Variants in ORC1 observed in about 807,000 individuals in gnomAD.
The protein encoded by ORC1 is origin recognition complex, subunit 1 homolog.
In ORC1, 61 loss-of-function variants were observed where a neutral mutation model predicts 98.9. The observed-to-expected ratio is 0.62, with a 90% CI of 0.50 to 0.76. ORC1 has a LOEUF of 0.76. Ranked by LOEUF, ORC1 falls within the 30% of genes least tolerant of loss-of-function variation. The pLI is 0.00. For missense variants in ORC1, 979 were observed against 1,072.2 expected, an observed-to-expected ratio of 0.91 and a Z score of 1.21; for synonymous variants, 385 against 406.9, an observed-to-expected ratio of 0.95 and a Z score of 0.65.
At chr1:52,406,436 GAC>G (rs1647999786), upstream of ORC1, among the ~76,000 whole-genome samples, 1 of 152,190 alleles carries the variant, frequency 6.6e-6, no homozygotes, top group Non-Finnish European at 1.5e-5. Flanking sequence ...GTAGGCACTG[GAC>G]GCTCAGGGGT....
In ORC1 at chr1:52,393,618, AAG is replaced by A; in HGVS notation, c.905_906del (p.Ser302LeufsTer3). ...GAAGCCTTCTTGTCATCCTCAGTAT[AAG>A]AGAGTCCAGTCTCTCTGGTTTTCTC... ...APEKTRETGL[S>X]YTEDDKKASP... On this transcript the variant is annotated frameshift_variant, in exon 6 of 17. Coordinates refer to ENST00000371568, the MANE Select transcript of ORC1 (RefSeq NM_004153.4). LOFTEE classifies it high-confidence loss of function. 1 of 1,614,098 alleles carries A rather than the reference AAG, an allele frequency of 6.2e-7. No homozygotes were observed. The highest frequency in any genetic ancestry group is 8.5e-7 in the Non-Finnish European group (1 of 1,179,984).
At chr1:52,398,716 G>A (rs1647546318) in intron 3 of ORC1, among the ~76,000 whole-genome samples, 1 of 151,990 alleles carries the variant, frequency 6.6e-6, no homozygotes, top group African/African-American at 2.4e-5. Flanking sequence ...CAATTAGCTG[G>A]GATTACAGGC....
At chr1:52,402,796 T>C (rs936881770) in intron 1 of ORC1, among the ~76,000 whole-genome samples, 16 of 152,086 alleles carry the variant, frequency 1.1e-4, no homozygotes, top group African/African-American at 3.9e-4. Context: ...CAGGTGGGCA[T>C]GGTGGCAGGC....
intron 1 of ORC1, among the ~76,000 whole-genome samples, chr1:52,403,616 G>A (rs941174623): frequency 1.3e-5 from 2 of 152,154 alleles, no homozygotes; most frequent in African/African-American, 4.8e-5. Flanking sequence ...AATAGATCAG[G>A]ATAAGAATGC....
In ORC1 at chr1:52,399,623, CAA is replaced by C. The variant is rs1198516466; in HGVS notation, c.223+1737_223+1738del. Among the ~76,000 whole-genome samples, 384 of 64,102 alleles carry C rather than the reference CAA, an allele frequency of 6.0e-3. 7 individuals carry two copies. The East Asian group carries it at 0.075, about 12-fold the overall frequency. The allele number at this position is 64,102 out of a possible 152,430, so 42.1% of individuals were successfully genotyped here. On this transcript the variant is annotated intron_variant, in intron 3 of 16. Coordinates refer to ENST00000371568, the MANE Select transcript of ORC1 (RefSeq NM_004153.4). ...TGGGCGACACAGCGAGACTCTGTCTCAAAAAAAAAAAAAAAAAAAAGAAAGAA... is the reference window on the plus strand; with the variant it reads ...TGGGCGACACAGCGAGACTCTGTCTCAAAAAAAAAAAAAAAAAAGAAAGAA...
At chr1:52,407,373 TA>T (rs1213762387), upstream of ORC1, among the ~76,000 whole-genome samples, 3 of 152,210 alleles carry the variant, frequency 2.0e-5, no homozygotes, top group African/African-American at 4.8e-5. Context: ...GTTAGGCACT[TA>T]CTGTGTGCTC....
At chr1:52,376,732 G>C (rs951762165) in intron 14 of ORC1, among the ~76,000 whole-genome samples, 4 of 152,188 alleles carry the variant, frequency 2.6e-5, no homozygotes, top group South Asian at 2.1e-4. Context: ...GGGGAACTCT[G>C]GGGGGTAAGG....
chr1:52,400,053 G>C (rs541141634), intron 3 of ORC1, among the ~76,000 whole-genome samples: 1 of 152,306 alleles, frequency 6.6e-6, no homozygotes, highest in South Asian at 2.1e-4. Flanking sequence ...GAGGATTCTA[G>C]AATCTATACA....
chr1:52,400,706 G>A (rs1043657464), intron 3 of ORC1, among the ~76,000 whole-genome samples: 10 of 152,170 alleles, frequency 6.6e-5, no homozygotes, highest in African/African-American at 2.4e-4. Context: ...TTTGCAGAGG[G>A]TTAGAAGGTC....
At chr1:52,406,238 C>T (rs548576180), upstream of ORC1, among the ~76,000 whole-genome samples, 22 of 152,188 alleles carry the variant, frequency 1.4e-4, no homozygotes, top group South Asian at 4.4e-3. Context: ...ATCCCCTCCC[C>T]CCCCGGGCCT....
rs374681845 is a variant in ORC1, at chr1:52,400,271, G to C, written c.223+1091C>G. On this transcript the variant is annotated intron_variant, in intron 3 of 16. Coordinates refer to ENST00000371568, the MANE Select transcript of ORC1 (RefSeq NM_004153.4). ...CTGCCACTAACCCTGTATATGCTAT[G>C]ATTTTTCCTACACACACATACTGTA... Among the ~76,000 whole-genome samples the C allele has an allele frequency of 5.6e-4, 85 of 152,290 alleles. No individual in the cohort carries two copies. In the Middle Eastern group the frequency reaches 0.01, roughly 18 times the overall value.
At chr1:52,390,351 C>A (rs781205129) in intron 6 of ORC1, among the ~76,000 whole-genome samples, 3 of 152,100 alleles carry the variant, frequency 2.0e-5, no homozygotes, top group Non-Finnish European at 2.9e-5. Context: ...AAAATAGGCA[C>A]GTAGACCAAT....
rs1647203506 is a variant in ORC1, at chr1:52,391,078, A to G, written c.1083-1757T>C. Among the ~76,000 whole-genome samples, 5 of 151,948 alleles carry G rather than the reference A, an allele frequency of 3.3e-5. No individual in the cohort carries two copies. In the South Asian group the frequency reaches 1.0e-3, roughly 32 times the overall value. On this transcript the variant is annotated intron_variant, in intron 6 of 16. Coordinates refer to ENST00000371568, the MANE Select transcript of ORC1 (RefSeq NM_004153.4). ...GTAATCCCAGTACTTTGGGAGGCTG[A>G]GGCAGGTGGATCACAAGGTCAGGAG...
intron 3 of ORC1, 68 bp from the exon 4 acceptor site, chr1:52,397,931 T>C (rs1184193071): frequency 5.1e-6 from 7 of 1,384,806 alleles, no homozygotes; most frequent in African/African-American, 4.3e-5. Flanking sequence ...GCAATTCCTA[T>C]GTGCCAGACA....
At chr1:52,408,885 G>C, upstream of ORC1, 2 of 531,650 alleles carry the variant, frequency 3.8e-6, no homozygotes, top group South Asian at 5.4e-5. Context: ...GCCTTACCCA[G>C]CCTGCCTCTG....
At position 52,383,464 on chromosome 1, in the gene ORC1, C is replaced by A. The variant is rs1236674010; in HGVS notation, c.1969G>T (p.Asp657Tyr). Residue 657 changes from aspartate to tyrosine, a missense_variant, in exon 13 of 17, where the codon GAC becomes TAC. Physicochemically the swap from Asp to Tyr is radical, Grantham distance 160. Coordinates refer to ENST00000371568, the MANE Select transcript of ORC1 (RefSeq NM_004153.4). ...TTCATCATGATTCGCTCTGGCAGGTCCATTGTGTTGGCAATTGCCAGGACC... is the reference window on the plus strand; with the variant it reads ...TTCATCATGATTCGCTCTGGCAGGTACATTGTGTTGGCAATTGCCAGGACC... ...LVVLAIANTM[D>Y]LPERIMMNRV... is the part of the protein sequence containing the mutation. The A allele has an allele frequency of 6.2e-7, 1 of 1,613,296 alleles. No homozygotes were observed. Among genetic ancestry groups the A allele is most frequent in the Admixed American group, 1.7e-5 (1 of 60,020 alleles).
chr1:52,396,793 A>T (rs2147941716), intron 4 of ORC1, among the ~76,000 whole-genome samples: 1 of 152,258 alleles, frequency 6.6e-6, no homozygotes, highest in South Asian at 2.1e-4. Context: ...AAGTTTCCCC[A>T]CAAACTTATC....
intron 6 of ORC1, among the ~76,000 whole-genome samples, chr1:52,389,793 G>A (rs200849275): frequency 6.6e-6 from 1 of 152,128 alleles, no homozygotes; most frequent in East Asian, 1.9e-4. Context: ...ATTTTTATTT[G>A]TACAGCAAAG....
At chr1:52,386,055 G>T in intron 8 of ORC1, 106 bp from the exon 9 acceptor site, 1 of 839,316 alleles carries the variant, frequency 1.2e-6, no homozygotes, top group Non-Finnish European at 2.0e-6. Flanking sequence ...AAGAGAGGTG[G>T]TGAATTCCTC....
Sources: allele counts gnomAD v4.1 joint callset (sites outside exome capture counted in the v4.1 genomes callset), GRCh38; gene constraint gnomAD v4.1.1; transcripts MANE v1.5; gene names NCBI Gene and HGNC (gene_info 2026-07-23, HGNC 2026-07-21).